ADAM10: variants seen among roughly 807,000 people sequenced by gnomAD.
The protein encoded by ADAM10 is disintegrin and metalloproteinase domain-containing protein 10.
A neutral mutation model predicts 90.1 loss-of-function variants in ADAM10; 17 were observed. That is an observed-to-expected ratio of 0.19 (90% CI 0.13 to 0.28). The LOEUF (loss-of-function observed/expected upper bound fraction) is 0.28, where lower values mean the gene tolerates loss of function less well. Among genes scored for constraint, ADAM10 ranks in the 10% least tolerant of loss-of-function variants. The pLI, the probability that ADAM10 is intolerant of heterozygous loss-of-function variation, is 1.00. For missense variants in ADAM10, 610 were observed against 914.3 expected, an observed-to-expected ratio of 0.67 and a Z score of 4.29; for synonymous variants, 310 against 298.6, an observed-to-expected ratio of 1.04 and a Z score of -0.40.
At position 58,591,913 on chromosome 15, in the gene ADAM10, A is replaced by G. The variant is rs1302443714; in HGVS notation, c.*5634T>C. ...AACAGTTTGTTCAAATCAGTATCCA[A>G]ATAAGTCCATAAATTGTCTTGATAG... On this transcript the variant is annotated 3_prime_UTR_variant, in exon 16 of 16. Transcript: ENST00000260408. 6.6e-6 allele frequency: 1 copy of G among 152,204 alleles called. No homozygotes were observed. Among genetic ancestry groups the G allele is most frequent in the Admixed American group, 6.5e-5 (1 of 15,288 alleles). The allele number at this position is 152,204 out of a possible 1,614,324, so 9.4% of individuals were successfully genotyped here.
intron 5 of ADAM10, among the ~76,000 whole-genome samples, chr15:58,661,215 A>G (rs1357153754): frequency 6.6e-6 from 1 of 152,114 alleles, no homozygotes; most frequent in East Asian, 1.9e-4. Flanking sequence ...ATGAGAAAAA[A>G]CTGCTTAATA....
intron 1 of ADAM10, among the ~76,000 whole-genome samples, chr15:58,721,796 G>A (rs1168701790): frequency 6.6e-6 from 1 of 152,138 alleles, no homozygotes; most frequent in African/African-American, 2.4e-5. Flanking sequence ...GGGAGGCTGA[G>A]GGGGGTGAAT....
In ADAM10 at chr15:58,620,914, C is replaced by T. The variant is rs1453958913; in HGVS notation, c.1511+557G>A. 1.5e-4 allele frequency among the ~76,000 whole-genome samples: 6 copies of T among 41,368 alleles called. 1 individual carries two copies. Among genetic ancestry groups the T allele is most frequent in the Admixed American group, 2.6e-4 (1 of 3,890 alleles). 27.1% of individuals were successfully genotyped at this position (41,368 alleles called of 152,430 possible). On this transcript the variant is annotated intron_variant, in intron 11 of 15. Transcript: ENST00000260408. ...CGATCTCCTGACCTCATGATCCACC[C>T]GCCTCGGCCTCCCAAAGTGCTGGGA... is the stretch of plus-strand genomic sequence containing the variant.
At chr15:58,680,350 T>C (rs1179293521) in intron 3 of ADAM10, among the ~76,000 whole-genome samples, 1 of 152,200 alleles carries the variant, frequency 6.6e-6, no homozygotes, top group African/African-American at 2.4e-5. Context: ...CTGGAACTCC[T>C]GGGCTCAAAC....
chr15:58,666,141 C>T (rs1054673020), intron 4 of ADAM10, among the ~76,000 whole-genome samples: 1 of 151,568 alleles, frequency 6.6e-6, no homozygotes, highest in Non-Finnish European at 1.5e-5. Flanking sequence ...TCCACCAATG[C>T]TACCACCTTA....
At chr15:58,672,832 A>G (rs1372962843) in intron 4 of ADAM10, 1 of 151,562 alleles carries the variant, frequency 6.6e-6, no homozygotes, top group Non-Finnish European at 1.5e-5. Flanking sequence ...ATGCTGAAAA[A>G]AAAAGAAGAG....
intron 2 of ADAM10, among the ~76,000 whole-genome samples, chr15:58,708,568 T>C (rs1244805516): frequency 6.6e-6 from 1 of 152,070 alleles, no homozygotes; most frequent in East Asian, 1.9e-4. Flanking sequence ...GAGGCTGAAG[T>C]GGGAGGACTG....
chr15:58,714,410 A>C (rs1898586934), intron 2 of ADAM10, among the ~76,000 whole-genome samples: 2 of 151,976 alleles, frequency 1.3e-5, no homozygotes. Flanking sequence ...GGTATGTCTA[A>C]GTTAACTGCA....
At chr15:58,620,075 G>C (rs774759410) in intron 11 of ADAM10, among the ~76,000 whole-genome samples, 1 of 151,982 alleles carries the variant, frequency 6.6e-6, no homozygotes, top group Non-Finnish European at 1.5e-5. Flanking sequence ...CAATTTATCA[G>C]TATTTTTTCA....
At chr15:58,607,108 C>A (rs1380421007) in intron 14 of ADAM10, among the ~76,000 whole-genome samples, 1 of 152,220 alleles carries the variant, frequency 6.6e-6, no homozygotes, top group African/African-American at 2.4e-5. Flanking sequence ...AGCTTCTGAG[C>A]CATACAGAAA....
At chr15:58,692,272 CA>C (rs1897840212) in intron 2 of ADAM10, 3 of 606,182 alleles carry the variant, frequency 4.9e-6, no homozygotes, top group Non-Finnish European at 9.8e-6. Flanking sequence ...GTGGTCTTCC[CA>C]GGCACTGGTG....
At chr15:58,655,696 G>GTGTATATATATATAGTATATATATATATA (rs1896796069) in intron 5 of ADAM10, among the ~76,000 whole-genome samples, 1 of 68,260 alleles carries the variant, frequency 1.5e-5, no homozygotes, top group Non-Finnish European at 2.4e-5. Context: ...ATTATATATA[G>GTGTATATATATATAGTATATATATATATA]TATATATATA....
chr15:58,640,221 G>C (rs1896379183), intron 8 of ADAM10, among the ~76,000 whole-genome samples: 1 of 152,214 alleles, frequency 6.6e-6, no homozygotes, highest in Non-Finnish European at 1.5e-5. Flanking sequence ...TGTCAATGGA[G>C]TTGTGGGTAC....
intron 10 of ADAM10, 104 bp from the exon 11 acceptor site, chr15:58,621,725 CTT>C (rs1895792984): frequency 2.1e-6 from 3 of 1,406,790 alleles, no homozygotes; most frequent in Non-Finnish European, 9.9e-7. Context: ...TAAAGGAAAA[CTT>C]TGATGAATAA....
rs755473828 is a variant in ADAM10, at chr15:58,633,295, G to A, written c.1077C>T (p.Asn359=). Residue 359 remains asparagine, a synonymous_variant, in exon 9 of 16, where the codon AAC becomes AAT. Coordinates refer to ENST00000260408, the MANE Select transcript of ADAM10 (RefSeq NM_001110.4). ...AGTTCTGAACAGTAATAATTCCAGT[G>A]TTTAAGGACTTCTTCTTACCATCTG... ...LYSDGKKKSL[N]TGIITVQNYG... is the part of the protein sequence containing the mutation. The A allele has an allele frequency of 3.1e-6, 5 of 1,613,046 alleles. No homozygotes were observed. Among genetic ancestry groups the A allele is most frequent in the South Asian group, 1.1e-5 (1 of 91,062 alleles).
intron 14 of ADAM10, among the ~76,000 whole-genome samples, chr15:58,601,451 A>C (rs908440572): frequency 1.3e-5 from 2 of 152,120 alleles, no homozygotes; most frequent in African/African-American, 2.4e-5. Context: ...ACAGAGTGAG[A>C]CTCCACCTCA....
chr15:58,746,107 A>G (rs1899783441), intron 1 of ADAM10, among the ~76,000 whole-genome samples: 1 of 152,244 alleles, frequency 6.6e-6, no homozygotes. Context: ...GTTTAAGGTC[A>G]AACCAGCTTG....
chr15:58,732,180 T>G (rs1899271469), intron 1 of ADAM10: 1 of 152,414 alleles, frequency 6.6e-6, no homozygotes, highest in Non-Finnish European at 1.5e-5. Context: ...GGGCTGCAAG[T>G]GCAGTGATGT....
intron 5 of ADAM10, among the ~76,000 whole-genome samples, chr15:58,654,651 T>C (rs1896766540): frequency 6.6e-6 from 1 of 152,210 alleles, no homozygotes; most frequent in African/African-American, 2.4e-5. Flanking sequence ...AGTGCTGGAA[T>C]TACAGACATG....
Sources: allele counts gnomAD v4.1 joint callset (sites outside exome capture counted in the v4.1 genomes callset), GRCh38; gene constraint gnomAD v4.1.1; transcripts MANE v1.5; gene names NCBI Gene and HGNC (gene_info 2026-07-23, HGNC 2026-07-21).